RSRC1: variants seen among roughly 807,000 people sequenced by gnomAD.
The protein encoded by RSRC1 is arginine and serine rich coiled-coil 1, also known as serine/Arginine-related protein 53.
A neutral mutation model predicts 49.1 loss-of-function variants in RSRC1; 39 were observed. The observed-to-expected ratio is 0.79, with a 90% confidence interval of 0.61 to 1.04. The LOEUF is 1.04. Among genes scored for constraint, RSRC1 ranks in the 50% least tolerant of loss-of-function variants. The pLI, the probability that RSRC1 is intolerant of heterozygous loss-of-function variation, is 0.00. For missense variants in RSRC1, 388 were observed against 402.4 expected, an observed-to-expected ratio of 0.96 and a Z score of 0.31; for synonymous variants, 143 against 130.8, an observed-to-expected ratio of 1.09 and a Z score of -0.63.
At chr3:158,475,116 G>T in intron 7 of RSRC1, among the ~76,000 whole-genome samples, 1 of 151,910 alleles carries the variant, frequency 6.6e-6, no homozygotes, top group East Asian at 1.9e-4. Context: ...TAGACATGAG[G>T]TCTCACTATG....
chr3:158,467,791 T>C (rs528649153), intron 7 of RSRC1, among the ~76,000 whole-genome samples: 28 of 152,216 alleles, frequency 1.8e-4, no homozygotes, highest in Admixed American at 1.8e-3. Context: ...TATTGAAACT[T>C]CAGAAACTGT....
rs574637215 is a variant in RSRC1 at position 158,295,407 on chromosome 3, A to G, written c.495-2632A>G. ...GTATGGTAGGATACTGTAGATTTTA[A>G]GAAGAGAATTGACATGATTAAGTTT... On this transcript the variant is annotated intron_variant, in intron 4 of 9. Transcript: ENST00000611884. Among the ~76,000 whole-genome samples the G allele has an allele frequency of 2.6e-5, 4 of 152,286 alleles. No homozygotes were observed. In the South Asian group the frequency reaches 8.3e-4, roughly 32 times the overall value.
chr3:158,518,118 GTGTGTGTGTATATA>G (rs1379796903), intron 7 of RSRC1, among the ~76,000 whole-genome samples: 7 of 75,812 alleles, frequency 9.2e-5, no homozygotes, highest in Non-Finnish European at 1.7e-4. Flanking sequence ...GTGTGTGTGT[GTGTGTGTGTATATA>G]TATATATATA....
At chr3:158,476,113 C>G (rs1480729643) in intron 7 of RSRC1, among the ~76,000 whole-genome samples, 1 of 152,116 alleles carries the variant, frequency 6.6e-6, no homozygotes, top group Non-Finnish European at 1.5e-5. Context: ...CTACAACATT[C>G]CCTTACGTCA....
At chr3:158,316,438 A>ATTTTTTTTTTTTTTTTTTTTTTTTTTTT (rs564633575) in intron 5 of RSRC1, among the ~76,000 whole-genome samples, 2 of 72,240 alleles carry the variant, frequency 2.8e-5, no homozygotes, top group Middle Eastern at 0.01. Flanking sequence ...AGAATCTCTC[A>ATTTTTTTTTTTTTTTTTTTTTTTTTTTT]TTTTTTTTTT....
intron 7 of RSRC1, among the ~76,000 whole-genome samples, chr3:158,530,920 AAAAAG>A (rs1176591194): frequency 7.0e-6 from 1 of 143,054 alleles, no homozygotes; most frequent in Non-Finnish European, 1.5e-5. Flanking sequence ...AAATAAAAAA[AAAAAG>A]AAACTTAAAA....
At chr3:158,430,769 A>G (rs73877206) in intron 6 of RSRC1, among the ~76,000 whole-genome samples, 11,133 of 152,010 alleles carry the variant, frequency 0.073, 481 homozygotes, top group South Asian at 0.13. Context: ...TGTATTACCT[A>G]CCACAGTACC....
intron 6 of RSRC1, among the ~76,000 whole-genome samples, chr3:158,377,103 A>G (rs1287413356): frequency 1.3e-5 from 2 of 152,036 alleles, no homozygotes; most frequent in African/African-American, 4.8e-5. Flanking sequence ...TAATGTATGT[A>G]ATGTGTTGGT....
chr3:158,410,851 G>A (rs1734428179), intron 6 of RSRC1, among the ~76,000 whole-genome samples: 1 of 151,992 alleles, frequency 6.6e-6, no homozygotes, highest in Non-Finnish European at 1.5e-5. Context: ...AGCAATTATT[G>A]TAAATCAGTA....
chr3:158,542,025 C>T (rs1713057462), intron 8 of RSRC1, among the ~76,000 whole-genome samples: 1 of 152,016 alleles, frequency 6.6e-6, no homozygotes, highest in South Asian at 2.1e-4. Flanking sequence ...TATAAGAAAT[C>T]CTAGAGTTTT....
At chr3:158,439,988 G>T (rs191095907) in intron 6 of RSRC1, among the ~76,000 whole-genome samples, 1 of 152,026 alleles carries the variant, frequency 6.6e-6, no homozygotes, top group East Asian at 1.9e-4. Flanking sequence ...CAAGGGGAGG[G>T]AGAGCACTGG....
rs1375416276 is a variant in RSRC1 at position 158,159,942 on chromosome 3, A to G, written c.320+35951A>G. 2.6e-5 allele frequency among the ~76,000 whole-genome samples: 4 copies of G among 152,152 alleles called. 1 individual carries two copies. The East Asian group carries it at 7.7e-4, about 29-fold the overall frequency. On this transcript the variant is annotated intron_variant, in intron 3 of 9. Transcript: ENST00000611884. ...GTATGTGGGTGTGTGCGTGTGTGTG[A>G]GTGTTTGATCGCTTCAGTCCTATGA...
At chr3:158,356,711 T>C (rs919342030) in intron 6 of RSRC1, among the ~76,000 whole-genome samples, 2 of 152,054 alleles carry the variant, frequency 1.3e-5, no homozygotes, top group Non-Finnish European at 2.9e-5. Context: ...TTGCAGCTCC[T>C]AATTGAGTAT....
chr3:158,423,724 TC>T (rs1735226810), intron 6 of RSRC1, among the ~76,000 whole-genome samples: 1 of 152,006 alleles, frequency 6.6e-6, no homozygotes, highest in Non-Finnish European at 1.5e-5. Context: ...GAATGTTCTT[TC>T]ATTTGTTGTA....
chr3:158,328,333 G>C (rs1305659323), intron 5 of RSRC1, among the ~76,000 whole-genome samples: 1 of 152,158 alleles, frequency 6.6e-6, no homozygotes. Context: ...AGCATCGATG[G>C]TCTTTACAAT....
chr3:158,530,882 C>A, intron 7 of RSRC1, among the ~76,000 whole-genome samples: 1 of 107,856 alleles, frequency 9.3e-6, no homozygotes, highest in Non-Finnish European at 1.9e-5. Flanking sequence ...TACCCTAAAA[C>A]TTAGAGTATA....
At chr3:158,221,538 TTC>T (rs1235749174) in intron 4 of RSRC1, among the ~76,000 whole-genome samples, 2 of 151,550 alleles carry the variant, frequency 1.3e-5, no homozygotes, top group Non-Finnish European at 3.0e-5. Flanking sequence ...GAAACCAATA[TTC>T]TAGTGTTGCT....
At chr3:158,466,749 G>A (rs1737906876) in intron 7 of RSRC1, among the ~76,000 whole-genome samples, 1 of 152,154 alleles carries the variant, frequency 6.6e-6, no homozygotes, top group Non-Finnish European at 1.5e-5. Flanking sequence ...ATTATAATAT[G>A]AAATGGCGAT....
At chr3:158,144,913 G>T (rs1184275945) in intron 3 of RSRC1, among the ~76,000 whole-genome samples, 2 of 152,088 alleles carry the variant, frequency 1.3e-5, no homozygotes, top group African/African-American at 2.4e-5. Context: ...TCTTGTGTCT[G>T]TTGGCTGAAT....
Sources: gnomAD v4.1 joint callset for allele counts (sites outside exome capture counted in the v4.1 genomes callset) on GRCh38, gnomAD v4.1.1 for gene constraint, MANE v1.5 for transcripts, NCBI Gene and HGNC (gene_info 2026-07-23, HGNC 2026-07-21) for gene names.